Variants in MLLT3 observed in about 807,000 individuals in gnomAD.
MLLT3 encodes MLLT3 super elongation complex subunit.
Under a neutral mutation model 53.2 loss-of-function variants are expected in MLLT3, and 4 were observed. The observed-to-expected ratio is 0.08, with a 90% CI of 0.04 to 0.17. The LOEUF (loss-of-function observed/expected upper bound fraction) is 0.17, where lower values mean the gene tolerates loss of function less well. Among genes scored for constraint, MLLT3 ranks in the 10% least tolerant of loss-of-function variants. The pLI is 1.00. For missense variants in MLLT3, 569 were observed against 684.0 expected, an observed-to-expected ratio of 0.83 and a Z score of 1.87; for synonymous variants, 283 against 230.6, an observed-to-expected ratio of 1.23 and a Z score of -2.06.
At chr9:20,508,674 A>G (rs1367101909) in intron 2 of MLLT3, among the ~76,000 whole-genome samples, 2 of 152,200 alleles carry the variant, frequency 1.3e-5, no homozygotes, top group East Asian at 3.8e-4. Flanking sequence ...AACTTAACAG[A>G]ACAAAAAGTA....
chr9:20,508,426 C>T (rs73648225), intron 2 of MLLT3, among the ~76,000 whole-genome samples: 7,668 of 152,242 alleles, frequency 0.05, 271 homozygotes, highest in Middle Eastern at 0.1. Context: ...GACACTACCG[C>T]AGTGCCAACA....
rs1324547188 is a variant in MLLT3 at position 20,620,426 on chromosome 9, C to G, written c.193+228G>C. On this transcript the variant is annotated intron_variant, in intron 2 of 10. Transcript: ENST00000380338. This position sits in a 1 kb window ranked among gnomAD's most constrained non-coding sequence, Gnocchi z 6.1. Reference sequence around the variant, plus strand: ...GGCTGGCTTGGGATGAATAAACACTCGACACCTGACGGTCCTTTCTCTGCG... The same window carrying G: ...GGCTGGCTTGGGATGAATAAACACTGGACACCTGACGGTCCTTTCTCTGCG... Among the ~76,000 whole-genome samples, 1 of 151,536 alleles carries G rather than the reference C, an allele frequency of 6.6e-6. No individual in the cohort carries two copies. The highest frequency in any genetic ancestry group is 1.5e-5 in the Non-Finnish European group (1 of 67,810).
intron 5 of MLLT3, chr9:20,411,110 T>A (rs1232035009): frequency 1.3e-5 from 2 of 152,414 alleles, no homozygotes; most frequent in Non-Finnish European, 2.9e-5. Context: ...ACCCCTGAAG[T>A]TGGGCCTGCC....
chr9:20,525,807 T>A (rs1818185751), intron 2 of MLLT3, among the ~76,000 whole-genome samples: 1 of 152,188 alleles, frequency 6.6e-6, no homozygotes, highest in Non-Finnish European at 1.5e-5. Context: ...AACTATTACT[T>A]ATAACTGGTC....
intron 4 of MLLT3, among the ~76,000 whole-genome samples, chr9:20,435,138 T>C (rs1233389540): frequency 6.6e-6 from 1 of 152,116 alleles, no homozygotes; most frequent in Non-Finnish European, 1.5e-5. Flanking sequence ...GATGTCTGAG[T>C]ACCACAGCTT....
At chr9:20,475,876 G>A (rs1563776691) in intron 2 of MLLT3, among the ~76,000 whole-genome samples, 1 of 152,050 alleles carries the variant, frequency 6.6e-6, no homozygotes, top group African/African-American at 2.4e-5. Flanking sequence ...AAAGCTATTG[G>A]TCAGTGTGTT....
At chr9:20,349,989 A>G (rs1231220336) in intron 10 of MLLT3, among the ~76,000 whole-genome samples, 1 of 152,228 alleles carries the variant, frequency 6.6e-6, no homozygotes, top group Admixed American at 6.5e-5. Flanking sequence ...AATGATTTGA[A>G]TTATTAGAGC....
At chr9:20,542,528 G>T (rs1217927692) in intron 2 of MLLT3, among the ~76,000 whole-genome samples, 4 of 152,190 alleles carry the variant, frequency 2.6e-5, no homozygotes, top group African/African-American at 9.7e-5. Context: ...GGGATTACAG[G>T]CGTGAGCCAG....
At chr9:20,424,414 A>C (rs1823092000) in intron 4 of MLLT3, among the ~76,000 whole-genome samples, 1 of 152,214 alleles carries the variant, frequency 6.6e-6, no homozygotes, top group South Asian at 2.1e-4. Flanking sequence ...AAACTGCAAG[A>C]TACTTCTCAT....
chr9:20,597,292 C>T (rs766028945), intron 2 of MLLT3, among the ~76,000 whole-genome samples: 2 of 151,364 alleles, frequency 1.3e-5, no homozygotes, highest in Non-Finnish European at 2.9e-5. Context: ...TTATCTAGGG[C>T]CTTACAAAGG....
chr9:20,383,672 G>C (rs1199273652), intron 5 of MLLT3, among the ~76,000 whole-genome samples: 1 of 151,864 alleles, frequency 6.6e-6, no homozygotes, highest in Non-Finnish European at 1.5e-5. Flanking sequence ...ATATTAAAAA[G>C]TTATGTCTGA....
chr9:20,409,365 T>C (rs940502563), intron 5 of MLLT3, among the ~76,000 whole-genome samples: 1 of 152,190 alleles, frequency 6.6e-6, no homozygotes, highest in Non-Finnish European at 1.5e-5. Flanking sequence ...AGCAAAATTA[T>C]ATGAAAAACA....
chr9:20,512,725 G>A (rs1020955384), intron 2 of MLLT3, among the ~76,000 whole-genome samples: 2 of 152,098 alleles, frequency 1.3e-5, no homozygotes, highest in African/African-American at 4.8e-5. Flanking sequence ...GTTCCCAGAA[G>A]TCAGTAACTG....
intron 2 of MLLT3, among the ~76,000 whole-genome samples, chr9:20,531,561 T>TC (rs1232752825): frequency 6.6e-6 from 1 of 152,208 alleles, no homozygotes; most frequent in Non-Finnish European, 1.5e-5. Context: ...TTCTGCAGCA[T>TC]CCTCAATGAG....
intron 2 of MLLT3, among the ~76,000 whole-genome samples, chr9:20,473,140 A>G (rs1320151972): frequency 1.3e-5 from 2 of 152,164 alleles, no homozygotes; most frequent in African/African-American, 4.8e-5. Context: ...TTTGACATCC[A>G]CTGCACTAGA....
chr9:20,458,526 A>G (rs950624741), intron 2 of MLLT3, among the ~76,000 whole-genome samples: 4 of 152,138 alleles, frequency 2.6e-5, no homozygotes, highest in Non-Finnish European at 5.9e-5. Flanking sequence ...CTGAAATCCT[A>G]TCAGGAGGTA....
rs932474127 is a variant in MLLT3 at position 20,345,708 on chromosome 9, G to C, written c.*735C>G. ...TCCTATTTGGTGCATTTTCTACCAT[G>C]GTCCAAGATCATTACATGGATACAG... On this transcript the variant is annotated 3_prime_UTR_variant, in exon 11 of 11. Coordinates refer to ENST00000380338, the MANE Select transcript of MLLT3 (RefSeq NM_004529.4). 1.4e-5 allele frequency: 3 copies of C among 217,922 alleles called. No individual in the cohort carries two copies. In the East Asian group the frequency reaches 2.0e-4, roughly 15 times the overall value. The allele number at this position is 217,922 out of a possible 1,614,324, so 13.5% of individuals were successfully genotyped here. A position where few individuals can be genotyped will look rare whatever the true frequency, so the allele number is the denominator to read the frequency against.
At chr9:20,446,979 G>A (rs1317848711) in intron 4 of MLLT3, among the ~76,000 whole-genome samples, 1 of 152,086 alleles carries the variant, frequency 6.6e-6, no homozygotes, top group Non-Finnish European at 1.5e-5. Flanking sequence ...TATGGTAAAA[G>A]TACTTGCAAT....
intron 2 of MLLT3, among the ~76,000 whole-genome samples, chr9:20,563,305 T>TA (rs397728697): frequency 6.6e-6 from 1 of 151,886 alleles, no homozygotes; most frequent in Non-Finnish European, 1.5e-5. Context: ...CTTTTTTTTT[T>TA]AAAGATCACT....
Sources: gnomAD v4.1 joint callset for allele counts (sites outside exome capture counted in the v4.1 genomes callset) on GRCh38, gnomAD v4.1.1 for gene constraint, Gnocchi (gnomAD v3.1) non-coding constraint, MANE v1.5 for transcripts, NCBI Gene and HGNC (gene_info 2026-07-23, HGNC 2026-07-21) for gene names.